GRIN3A: variants seen among roughly 807,000 people sequenced by gnomAD.
GRIN3A encodes glutamate receptor ionotropic, NMDA 3A.
A neutral mutation model predicts 92.4 loss-of-function variants in GRIN3A; 47 were observed. That is an observed-to-expected ratio of 0.51 (90% confidence interval 0.40 to 0.65). GRIN3A has a LOEUF of 0.65. Among genes scored for constraint, GRIN3A ranks in the 30% least tolerant of loss-of-function variants. The probability of loss-of-function intolerance (pLI) is 0.00; values close to 1 mark genes in which losing one functional copy is unlikely to be tolerated. For synonymous variants in GRIN3A, 527 were observed against 540.6 expected, an observed-to-expected ratio of 0.97 and a Z score of 0.35; for missense variants, 1,324 against 1,393.1, an observed-to-expected ratio of 0.95 and a Z score of 0.79.
rs10989576 is a variant in GRIN3A at position 101,644,139 on chromosome 9, A to G, written c.2353-15738T>C. Among the ~76,000 whole-genome samples the G allele has an allele frequency of 7.3e-3, 1,111 of 152,084 alleles. 11 individuals are homozygous for G. Among genetic ancestry groups the G allele is most frequent in the African/African-American group, 0.026 (1,071 of 41,528 alleles). On this transcript the variant is annotated intron_variant, in intron 3 of 8. Coordinates refer to ENST00000361820, the MANE Select transcript of GRIN3A (RefSeq NM_133445.3). ...AACATGTTAGAAAACTTAAATGCAT[A>G]TAATTTTCATTTTTTAAATGAATAA...
chr9:101,701,467 G>A (rs1314366000), intron 1 of GRIN3A, among the ~76,000 whole-genome samples: 2 of 151,970 alleles, frequency 1.3e-5, no homozygotes, highest in African/African-American at 4.8e-5. Context: ...ACCATGCCTA[G>A]CCATTGCAGA....
chr9:101,658,822 G>T (rs574068228), intron 3 of GRIN3A, among the ~76,000 whole-genome samples: 21 of 150,696 alleles, frequency 1.4e-4, no homozygotes, highest in African/African-American at 4.1e-4. Context: ...CTTGTATTCA[G>T]TTGTGATTGA....
At chr9:101,677,623 C>T (rs552280898) in intron 2 of GRIN3A, among the ~76,000 whole-genome samples, 8 of 151,922 alleles carry the variant, frequency 5.3e-5, no homozygotes, top group African/African-American at 1.7e-4. Context: ...CCCTAGGGAA[C>T]CTTTCTGTAC....
chr9:101,610,948 A>G (rs963984134), intron 6 of GRIN3A, among the ~76,000 whole-genome samples: 3 of 152,076 alleles, frequency 2.0e-5, no homozygotes, highest in Non-Finnish European at 4.4e-5. Flanking sequence ...AACACAAAAA[A>G]TTAGCCACGT....
intron 6 of GRIN3A, among the ~76,000 whole-genome samples, chr9:101,587,954 A>G (rs1478812943): frequency 6.6e-6 from 1 of 152,118 alleles, no homozygotes; most frequent in Non-Finnish European, 1.5e-5. Context: ...CCTCCTGATT[A>G]TTTTGCCCAG....
chr9:101,734,755 C>T (rs1830181056), intron 1 of GRIN3A, among the ~76,000 whole-genome samples: 1 of 151,838 alleles, frequency 6.6e-6, no homozygotes. Flanking sequence ...TGTTGCTGCT[C>T]TTGCTATGAA....
chr9:101,662,783 G>A (rs1829187049), intron 3 of GRIN3A, among the ~76,000 whole-genome samples: 1 of 151,668 alleles, frequency 6.6e-6, no homozygotes, highest in African/African-American at 2.4e-5. Flanking sequence ...TATCTTTTAT[G>A]TGGTGGTACA....
rs114097801 is a variant in GRIN3A, at chr9:101,706,826, T to C, written c.700-19626A>G. 9.9e-3 allele frequency among the ~76,000 whole-genome samples: 1,514 copies of C among 152,318 alleles called. 24 individuals are homozygous for C. The highest frequency in any genetic ancestry group is 0.035 in the African/African-American group (1,441 of 41,550). On this transcript the variant is annotated intron_variant, in intron 1 of 8. Coordinates refer to ENST00000361820, the MANE Select transcript of GRIN3A (RefSeq NM_133445.3). ...AGCCCTTACCTAAAAATGTGGAACG[T>C]TGCACACAAGGGAGACGGAGAGAAA...
chr9:101,716,692 C>T (rs558281074), intron 1 of GRIN3A, among the ~76,000 whole-genome samples: 5 of 152,290 alleles, frequency 3.3e-5, no homozygotes, highest in South Asian at 4.1e-4. Context: ...ATTACTCAGC[C>T]AGGCAGTGAG....
At chr9:101,593,370 C>G (rs1828060430) in intron 6 of GRIN3A, 1 of 152,236 alleles carries the variant, frequency 6.6e-6, no homozygotes, top group Non-Finnish European at 1.5e-5. Context: ...TTCTAGGCCT[C>G]AGATCTGATT....
At chr9:101,655,063 A>G (rs73500962) in intron 3 of GRIN3A, among the ~76,000 whole-genome samples, 76 of 152,042 alleles carry the variant, frequency 5.0e-4, no homozygotes, top group African/African-American at 1.8e-3. Context: ...TAGGCATTCA[A>G]TATAGTTTTT....
intron 3 of GRIN3A, among the ~76,000 whole-genome samples, chr9:101,662,068 A>T (rs1243117208): frequency 6.6e-6 from 1 of 151,858 alleles, no homozygotes; most frequent in South Asian, 2.1e-4. Context: ...CTTCCCGAAA[A>T]GATTTAAGGC....
intron 3 of GRIN3A, among the ~76,000 whole-genome samples, chr9:101,664,581 GC>G (rs1220731606): frequency 5.3e-5 from 8 of 151,908 alleles, no homozygotes; most frequent in Non-Finnish European, 1.0e-4. Flanking sequence ...TGCAAGAGCA[GC>G]CAGGTACAAG....
At chr9:101,693,602 T>A (rs1829647558) in intron 1 of GRIN3A, among the ~76,000 whole-genome samples, 1 of 152,142 alleles carries the variant, frequency 6.6e-6, no homozygotes, top group Non-Finnish European at 1.5e-5. Context: ...GCCCATGGAA[T>A]AAAGCCACTT....
intron 3 of GRIN3A, among the ~76,000 whole-genome samples, chr9:101,640,698 C>A (rs1021147846): frequency 3.3e-5 from 5 of 152,104 alleles, no homozygotes; most frequent in Non-Finnish European, 7.4e-5. Flanking sequence ...GGGAGTGGGT[C>A]TTTCACTTGC....
At chr9:101,632,025 T>C (rs563235964) in intron 3 of GRIN3A, among the ~76,000 whole-genome samples, 11 of 152,328 alleles carry the variant, frequency 7.2e-5, no homozygotes, top group Non-Finnish European at 1.3e-4. Flanking sequence ...AGGTTCAGCA[T>C]GTTTGGCTCC....
At chr9:101,700,538 G>A (rs1000103157) in intron 1 of GRIN3A, among the ~76,000 whole-genome samples, 1 of 152,144 alleles carries the variant, frequency 6.6e-6, no homozygotes, top group African/African-American at 2.4e-5. Flanking sequence ...CAAACTCAAT[G>A]TGTGTCCTTC....
intron 1 of GRIN3A, among the ~76,000 whole-genome samples, chr9:101,689,309 A>G (rs1390112053): frequency 6.6e-6 from 1 of 152,166 alleles, no homozygotes; most frequent in Non-Finnish European, 1.5e-5. Context: ...TAACCTCCGA[A>G]TCACCCATAG....
At position 101,639,354 on chromosome 9, in the gene GRIN3A, A is replaced by G. The variant is rs569466327; in HGVS notation, c.2353-10953T>C. Reference sequence around the variant, plus strand: ...TAGGGCTTCTTACAGAAAAAAAAAAAGGAGGATGCCTTTAAGCCTATGGCA... The same window carrying G: ...TAGGGCTTCTTACAGAAAAAAAAAAGGGAGGATGCCTTTAAGCCTATGGCA... On this transcript the variant is annotated intron_variant, in intron 3 of 8. Coordinates refer to ENST00000361820, the MANE Select transcript of GRIN3A (RefSeq NM_133445.3). Among the ~76,000 whole-genome samples, 23 of 152,124 alleles carry G rather than the reference A, an allele frequency of 1.5e-4. No individual in the cohort carries two copies. The East Asian group carries it at 4.4e-3, about 29-fold the overall frequency.
Sources: gnomAD v4.1 joint callset for allele counts (sites outside exome capture counted in the v4.1 genomes callset) on GRCh38, gnomAD v4.1.1 for gene constraint, MANE v1.5 for transcripts, NCBI Gene and HGNC (gene_info 2026-07-23, HGNC 2026-07-21) for gene names.